Variants in SDCCAG8 observed in about 807,000 individuals in gnomAD.
SDCCAG8 encodes SHH signaling and ciliogenesis regulator SDCCAG8.
SDCCAG8 carries 74 observed loss-of-function variants against 101.8 expected under a neutral mutation model. The observed-to-expected ratio is 0.73, with a 90% confidence interval of 0.60 to 0.88. The LOEUF is 0.88. Ranked by LOEUF, SDCCAG8 falls within the 40% of genes least tolerant of loss-of-function variation. The pLI, the probability that SDCCAG8 is intolerant of heterozygous loss-of-function variation, is 0.00. For synonymous variants in SDCCAG8, 281 were observed against 292.9 expected (o/e 0.96, Z 0.41); for missense variants, 787 against 822.6 (o/e 0.96, Z 0.53).
intron 6 of SDCCAG8, among the ~76,000 whole-genome samples, chr1:243,296,732 A>C (rs2070953769): frequency 6.6e-6 from 1 of 150,890 alleles, no homozygotes; most frequent in African/African-American, 2.4e-5. Context: ...TTTTTAGTAG[A>C]GACGGGGTTT....
chr1:243,487,724 T>C (rs2994326), intron 16 of SDCCAG8: 119,952 of 152,272 alleles, frequency 0.79, 47,590 homozygotes, highest in East Asian at 0.91. Flanking sequence ...CAGTCGGAGG[T>C]GCCAAGCCCG....
chr1:243,262,263 G>A (rs978895010), intron 1 of SDCCAG8, among the ~76,000 whole-genome samples: 1 of 147,404 alleles, frequency 6.8e-6, no homozygotes, highest in East Asian at 2.0e-4. Flanking sequence ...CCACCACCAC[G>A]CCCGGCTAAT....
At chr1:243,418,990 C>A (rs2080800036) in intron 15 of SDCCAG8, among the ~76,000 whole-genome samples, 1 of 152,150 alleles carries the variant, frequency 6.6e-6, no homozygotes, top group African/African-American at 2.4e-5. Flanking sequence ...AAACAAACTA[C>A]TGACCTAGAT....
intron 16 of SDCCAG8, among the ~76,000 whole-genome samples, chr1:243,478,318 C>T (rs1476658263): frequency 6.6e-6 from 1 of 152,214 alleles, no homozygotes; most frequent in Non-Finnish European, 1.5e-5. Flanking sequence ...GGCTGCCTGA[C>T]CTTGGGCAAG....
intron 8 of SDCCAG8, among the ~76,000 whole-genome samples, chr1:243,313,037 C>G (rs1179381828): frequency 6.6e-6 from 1 of 152,178 alleles, no homozygotes; most frequent in Non-Finnish European, 1.5e-5. Flanking sequence ...CTGTAGCTCA[C>G]AGTACCTTGG....
chr1:243,353,617 G>A (rs907628958), intron 12 of SDCCAG8, among the ~76,000 whole-genome samples: 3 of 149,854 alleles, frequency 2.0e-5, no homozygotes, highest in African/African-American at 7.3e-5. Flanking sequence ...AAAAAGGAGG[G>A]TGCATCCAAG....
chr1:243,336,454 C>T (rs1472434571), intron 10 of SDCCAG8, among the ~76,000 whole-genome samples: 1 of 152,166 alleles, frequency 6.6e-6, no homozygotes. Flanking sequence ...TTAATTGGCT[C>T]ATGGTTCTGC....
intron 10 of SDCCAG8, among the ~76,000 whole-genome samples, chr1:243,331,283 G>A (rs1212095225): frequency 6.6e-6 from 1 of 152,222 alleles, no homozygotes; most frequent in Non-Finnish European, 1.5e-5. Context: ...ATACAGAGTT[G>A]AGTGGGACCT....
At position 243,316,831 on chromosome 1, in the gene SDCCAG8, G is replaced by T. The variant is rs1380907511; in HGVS notation, c.1006G>T (p.Ala336Ser). 1 of 1,614,088 alleles carries T rather than the reference G, an allele frequency of 6.2e-7. No individual in the cohort carries two copies. Among genetic ancestry groups the T allele is most frequent in the Non-Finnish European group, 8.5e-7 (1 of 1,180,038 alleles). The change falls in exon 9 of 18, where the codon GCT becomes TCT. Residue 336 changes from alanine to serine, a missense_variant. Physicochemically the swap from Ala to Ser is moderately conservative, Grantham distance 99 (BLOSUM62 1). Transcript: ENST00000366541. The part of the protein sequence containing the change: ...LADTQQREAS[A>S]YEQVKQVLQI... ...AGATACGCAGCAAAGAGAAGCAAGT[G>T]CTTATGAACAGGTGAAACAAGTTTT... is the stretch of plus-strand genomic sequence containing the variant.
chr1:243,460,818 T>C (rs1658935096), intron 16 of SDCCAG8, among the ~76,000 whole-genome samples: 1 of 152,218 alleles, frequency 6.6e-6, no homozygotes. Context: ...CGTGTTCGGC[T>C]TGTTCCCTTT....
chr1:243,455,371 G>A lies in SDCCAG8; in HGVS notation c.1985+28813G>A, dbSNP rs148470799. ...TGCAACCTCCATCTCCTGGGTTCAA[G>A]CAATTCTCCTGCCTCAGCCTCCCAA... On this transcript the variant is annotated intron_variant, in intron 16 of 17. Coordinates refer to ENST00000366541, the MANE Select transcript of SDCCAG8 (RefSeq NM_006642.5). Among the ~76,000 whole-genome samples, 215 of 152,310 alleles carry A rather than the reference G, an allele frequency of 1.4e-3. 2 individuals are homozygous for A. The East Asian group carries it at 0.037, about 26-fold the overall frequency.
Position 243,499,771 on chromosome 1 carries a change from C to T in SDCCAG8, c.2128C>T (p.Gln710Ter), listed in dbSNP as rs750000450. 4 of 1,612,508 alleles carry T rather than the reference C, an allele frequency of 2.5e-6. No individual in the cohort carries two copies. In the South Asian group the frequency reaches 4.4e-5, roughly 18 times the overall value. Residue 710 changes from glutamine (Q) to a stop codon, truncating the protein, a stop_gained, in exon 18 of 18, where the codon CAA becomes TAA. Transcript: ENST00000366541. LOFTEE classifies it high-confidence loss of function. Reference sequence around the variant, plus strand: ...TTTTTTCCAGTTACCCAGCATGCCACAATCTGATTGCTGACCTGGATGGAA... The same window carrying T: ...TTTTTTCCAGTTACCCAGCATGCCATAATCTGATTGCTGACCTGGATGGAA... ...RLRTQLPSMP[Q>*]SDC
intron 16 of SDCCAG8, among the ~76,000 whole-genome samples, chr1:243,430,783 A>G (rs2081692520): frequency 1.3e-5 from 2 of 152,114 alleles, no homozygotes; most frequent in African/African-American, 4.8e-5. Context: ...TCTTGTTACT[A>G]ATGGGAAGAA....
intron 1 of SDCCAG8, among the ~76,000 whole-genome samples, chr1:243,268,890 G>A (rs1037603983): frequency 6.6e-6 from 1 of 151,990 alleles, no homozygotes; most frequent in African/African-American, 2.4e-5. Flanking sequence ...CTGGAGGACT[G>A]GGCTGTCAGA....
chr1:243,296,069 C>T (rs1363210372), intron 6 of SDCCAG8, among the ~76,000 whole-genome samples: 2 of 152,118 alleles, frequency 1.3e-5, no homozygotes, highest in Non-Finnish European at 1.5e-5. Flanking sequence ...AATCTCAGCT[C>T]ACTGCAACCT....
At chr1:243,426,656 C>G in intron 16 of SDCCAG8, 98 bp downstream of exon 16, 1 of 1,393,210 alleles carries the variant, frequency 7.2e-7, no homozygotes, top group Non-Finnish European at 1.0e-6. Flanking sequence ...AATTCATCAT[C>G]ATTATGCTAC....
chr1:243,355,780 T>A (rs2076348097), intron 12 of SDCCAG8, among the ~76,000 whole-genome samples: 1 of 152,110 alleles, frequency 6.6e-6, no homozygotes, highest in Admixed American at 6.6e-5. Context: ...TAATTCTTTT[T>A]GTATTTTTTT....
At chr1:243,444,972 T>C (rs2082798197) in intron 16 of SDCCAG8, among the ~76,000 whole-genome samples, 1 of 152,210 alleles carries the variant, frequency 6.6e-6, no homozygotes, top group Non-Finnish European at 1.5e-5. Context: ...TTCTATTTTA[T>C]GTTGGCAACT....
intron 12 of SDCCAG8, among the ~76,000 whole-genome samples, chr1:243,364,846 T>C (rs1325102963): frequency 6.6e-6 from 1 of 151,970 alleles, no homozygotes; most frequent in African/African-American, 2.4e-5. Context: ...AGAAATAGTA[T>C]GTATGGCTTT....
Sources: allele counts gnomAD v4.1 joint callset (sites outside exome capture counted in the v4.1 genomes callset), GRCh38; gene constraint gnomAD v4.1.1; transcripts MANE v1.5; gene names NCBI Gene and HGNC (gene_info 2026-07-23, HGNC 2026-07-21).